The following MDM1 variants were observed in gnomAD, a reference collection of about 807,000 sequenced individuals.
The protein encoded by MDM1 is Mdm1 nuclear protein.
A neutral mutation model predicts 89.1 loss-of-function variants in MDM1; 61 were observed. That is an observed-to-expected ratio of 0.68 (90% confidence interval 0.56 to 0.85). The LOEUF (loss-of-function observed/expected upper bound fraction) is 0.85. Ranked by LOEUF, MDM1 falls within the 40% of genes least tolerant of loss-of-function variation. The pLI is 0.00. For synonymous variants in MDM1, 290 were observed against 294.1 expected, an observed-to-expected ratio of 0.99 and a Z score of 0.14; for missense variants, 820 against 846.5, an observed-to-expected ratio of 0.97 and a Z score of 0.39.
intron 1 of MDM1, among the ~76,000 whole-genome samples, chr12:68,331,730 A>ACAGCTAC (rs1392153776): frequency 3.3e-5 from 5 of 152,234 alleles, no homozygotes; most frequent in Non-Finnish European, 7.3e-5. Context: ...CTAGTCCCTG[A>ACAGCTAC]CAGCTACCAG....
At chr12:68,311,360 G>A (rs1289452005) in intron 12 of MDM1, among the ~76,000 whole-genome samples, 2 of 152,130 alleles carry the variant, frequency 1.3e-5, no homozygotes, top group Admixed American at 6.6e-5. Flanking sequence ...TCTCTGAGAA[G>A]ACTACTCTAT....
chr12:68,299,993 C>T (rs1166916563), intron 13 of MDM1, among the ~76,000 whole-genome samples: 1 of 152,170 alleles, frequency 6.6e-6, no homozygotes, highest in Non-Finnish European at 1.5e-5. Context: ...GACTTCCCAG[C>T]AGAAACCTTA....
intron 14 of MDM1, 72 bp downstream of exon 14, chr12:68,296,850 TA>T: frequency 1.0e-6 from 1 of 999,360 alleles, no homozygotes. Flanking sequence ...TATAAAGTGC[TA>T]ATCAAATGTA....
At chr12:68,330,261 C>T (rs1876591075) in intron 2 of MDM1, among the ~76,000 whole-genome samples, 2 of 152,130 alleles carry the variant, frequency 1.3e-5, no homozygotes, top group Non-Finnish European at 2.9e-5. Context: ...TGTTCCCAGA[C>T]CAAACTGAGG....
In MDM1 at chr12:68,326,758, C is replaced by T; in HGVS notation, c.397G>A (p.Asp133Asn). 1 of 1,614,138 alleles carries T rather than the reference C, an allele frequency of 6.2e-7. No individual in the cohort carries two copies. The highest frequency in any genetic ancestry group is 8.5e-7 in the Non-Finnish European group (1 of 1,179,996). Residue 133 changes from aspartate (D) to asparagine (N), a missense_variant, in exon 3 of 15, where the codon GAT becomes AAT. Physicochemically the swap from Asp to Asn is conservative, Grantham distance 23. Transcript: ENST00000682720. Reference protein sequence around the residue: ...SADSRAEGASDVENNEGVTNH... With the variant: ...SADSRAEGASNVENNEGVTNH... ...GTTACACCCTCATTATTTTCCACAT[C>T]TGAAGCCCCTTCAGCTCTGGAGTCT...
intron 13 of MDM1, among the ~76,000 whole-genome samples, chr12:68,298,254 G>A (rs1436415457): frequency 6.6e-6 from 1 of 152,140 alleles, no homozygotes; most frequent in Non-Finnish European, 1.5e-5. Flanking sequence ...CTGTCTACGT[G>A]ACAAGTTCAC....
intron 12 of MDM1, among the ~76,000 whole-genome samples, chr12:68,309,623 T>C (rs1214304118): frequency 6.6e-6 from 1 of 152,234 alleles, no homozygotes; most frequent in Non-Finnish European, 1.5e-5. Context: ...ATATAAAGAT[T>C]TGAAAATGTT....
chr12:68,316,939 C>T (rs1295594802), intron 7 of MDM1, among the ~76,000 whole-genome samples: 2 of 152,104 alleles, frequency 1.3e-5, no homozygotes, highest in African/African-American at 4.8e-5. Flanking sequence ...TATACAGCTA[C>T]TACTGCTACA....
intron 7 of MDM1, among the ~76,000 whole-genome samples, chr12:68,318,479 C>T (rs1291536551): frequency 6.6e-6 from 1 of 152,142 alleles, no homozygotes; most frequent in Admixed American, 6.5e-5. Context: ...ACATTTAAAA[C>T]TAAGTGCTTT....
intron 7 of MDM1, 123 bp downstream of exon 7, chr12:68,321,224 G>T: frequency 1.7e-6 from 1 of 594,674 alleles, no homozygotes; most frequent in Non-Finnish European, 2.8e-6. Flanking sequence ...TACTATTAGT[G>T]CTATTATTAT....
chr12:68,321,852 T>C (rs972591437), intron 5 of MDM1, among the ~76,000 whole-genome samples: 1 of 152,208 alleles, frequency 6.6e-6, no homozygotes. Context: ...ATAGTTTCAT[T>C]TTCTAACAAT....
At chr12:68,327,539 T>C (rs1011268073) in intron 2 of MDM1, 1 of 1,515,784 alleles carries the variant, frequency 6.6e-7, no homozygotes, top group African/African-American at 1.4e-5. Flanking sequence ...TAAGCCCTTT[T>C]AACAACAGCT....
In MDM1 at chr12:68,323,162, A is replaced by G. The variant is rs112211234; in HGVS notation, c.712T>C (p.Phe238Leu). The G allele has an allele frequency of 1.9e-6, 3 of 1,610,612 alleles. No homozygotes were observed. The highest frequency in any genetic ancestry group is 1.7e-6 in the Non-Finnish European group (2 of 1,178,890). The part of the protein sequence containing the change: ...VIHETEYKRN[F>L]KGLSPVKEPK... ...TCTTTCACTGGAGATAAACCCTTGA[A>G]ATTTCTTTTGTATTCAGTTTCATGG... is the stretch of plus-strand genomic sequence containing the variant. The change falls in exon 5 of 15, where the codon TTC (phenylalanine) becomes CTC (leucine). Residue 238 changes from phenylalanine (F) to leucine (L), a missense_variant. Coordinates refer to ENST00000682720, the MANE Select transcript of MDM1 (RefSeq NM_001354969.2).
intron 2 of MDM1, among the ~76,000 whole-genome samples, chr12:68,330,149 T>G (rs1370771522): frequency 6.6e-6 from 1 of 152,214 alleles, no homozygotes; most frequent in South Asian, 2.1e-4. Flanking sequence ...CACACTTCCC[T>G]ACAATTTTAT....
chr12:68,318,776 A>G (rs189517849), intron 7 of MDM1, among the ~76,000 whole-genome samples: 191 of 152,324 alleles, frequency 1.3e-3, no homozygotes, highest in Non-Finnish European at 2.1e-3. Flanking sequence ...TAATGTTATC[A>G]TATTATATAT....
intron 7 of MDM1, among the ~76,000 whole-genome samples, chr12:68,319,976 T>C (rs148342452): frequency 4.7e-4 from 71 of 152,322 alleles, no homozygotes; most frequent in African/African-American, 1.7e-3. Context: ...AAATCGCTGC[T>C]CGGCCTTTTG....
intron 12 of MDM1, 89 bp from the exon 13 acceptor site, chr12:68,302,961 C>T: frequency 4.2e-6 from 5 of 1,195,874 alleles, no homozygotes; most frequent in Non-Finnish European, 4.5e-6. Context: ...AAAAACATAA[C>T]CAAAAAGCAG....
chr12:68,321,339 A>ACACT lies in MDM1; in HGVS notation c.1005+4_1005+7dup. On this transcript the variant is annotated splice_region_variant and intron_variant, in intron 7 of 14. Transcript: ENST00000682720. ...ACATGTAGGCTTATTGAGGTCATGT[A>ACACT]CACTCACCTGATTTGGCATGTTTCC... 2 of 1,609,298 alleles carry ACACT rather than the reference A, an allele frequency of 1.2e-6. No homozygotes were observed. The highest frequency in any genetic ancestry group is 1.7e-6 in the Non-Finnish European group (2 of 1,176,496).
chr12:68,296,310 C>G lies in MDM1; in HGVS notation c.2062+613G>C, dbSNP rs866313573. 1.3e-5 allele frequency among the ~76,000 whole-genome samples: 2 copies of G among 152,246 alleles called. 1 individual carries two copies. The highest frequency in any genetic ancestry group is 6.8e-3 in the Middle Eastern group (2 of 294). ...GTCAGGAGTTTGAGACCATCCTGGC[C>G]AACATGGTGAAACCCCATCTCTACT... On this transcript the variant is annotated intron_variant, in intron 14 of 14. Transcript: ENST00000682720.
Sources: gnomAD v4.1 joint callset for allele counts (sites outside exome capture counted in the v4.1 genomes callset) on GRCh38, gnomAD v4.1.1 for gene constraint, MANE v1.5 for transcripts, NCBI Gene and HGNC (gene_info 2026-07-23, HGNC 2026-07-21) for gene names.